The following GRID1 variants were observed in gnomAD, a reference collection of about 807,000 sequenced individuals.
The protein encoded by GRID1 is glutamate ionotropic receptor delta type subunit 1, also known as glutamate receptor ionotropic, delta-1.
In GRID1, 28 loss-of-function variants were observed where a neutral mutation model predicts 98.0. That is an observed-to-expected ratio of 0.29 (90% CI 0.21 to 0.39). The LOEUF is 0.39. Ranked by LOEUF, GRID1 falls within the 10% of genes least tolerant of loss-of-function variation. The pLI, the probability that GRID1 is intolerant of heterozygous loss-of-function variation, is 1.00. For synonymous variants in GRID1, 553 were observed against 538.5 expected, an observed-to-expected ratio of 1.03 and a Z score of -0.37; for missense variants, 1,111 against 1,340.5, an observed-to-expected ratio of 0.83 and a Z score of 2.67.
chr10:85,718,959 T>A (rs764415241), intron 12 of GRID1, among the ~76,000 whole-genome samples: 1 of 152,226 alleles, frequency 6.6e-6, no homozygotes, highest in African/African-American at 2.4e-5. Context: ...TAAAATGGAA[T>A]GCTTTTAACA....
chr10:86,040,894 T>A (rs1017673494), intron 4 of GRID1, among the ~76,000 whole-genome samples: 2 of 152,112 alleles, frequency 1.3e-5, no homozygotes, highest in Admixed American at 6.5e-5. Context: ...AATTTTTTTT[T>A]AAAGTTGGTC....
At chr10:86,236,591 C>G (rs1034894263) in intron 2 of GRID1, among the ~76,000 whole-genome samples, 4 of 152,360 alleles carry the variant, frequency 2.6e-5, no homozygotes, top group Admixed American at 6.5e-5. Context: ...GCATCCCCAG[C>G]ATGTTCCCTC....
At position 85,712,125 on chromosome 10, in the gene GRID1, G is replaced by C. The variant is rs114842798; in HGVS notation, c.1997+10878C>G. Among the ~76,000 whole-genome samples, 443 of 151,798 alleles carry C rather than the reference G, an allele frequency of 2.9e-3. 5 individuals are homozygous for C. The highest frequency in any genetic ancestry group is 0.01 in the African/African-American group (418 of 41,516). ...GAACACAAATGATGTAAGTCATATA[G>C]AAATCAAATAGCAAAATGGTAGAGC... On this transcript the variant is annotated intron_variant, in intron 12 of 15. Transcript: ENST00000327946.
At chr10:85,740,631 G>T (rs1331383929) in intron 8 of GRID1, among the ~76,000 whole-genome samples, 1 of 152,076 alleles carries the variant, frequency 6.6e-6, no homozygotes, top group Admixed American at 6.6e-5. Flanking sequence ...CCTCCAGGAA[G>T]TACAAGGTAG....
intron 2 of GRID1, among the ~76,000 whole-genome samples, chr10:86,302,216 C>A (rs1401069016): frequency 1.3e-5 from 2 of 152,194 alleles, no homozygotes; most frequent in Non-Finnish European, 2.9e-5. Flanking sequence ...AACAGCAGCT[C>A]CTCCTTGAGA....
chr10:85,803,695 A>C (rs996451598), intron 8 of GRID1, among the ~76,000 whole-genome samples: 9 of 152,072 alleles, frequency 5.9e-5, no homozygotes, highest in Non-Finnish European at 1.2e-4. Context: ...ATATATTTTT[A>C]GATTTTAATT....
At chr10:85,818,187 A>T (rs184115927) in intron 8 of GRID1, among the ~76,000 whole-genome samples, 2 of 152,352 alleles carry the variant, frequency 1.3e-5, no homozygotes, top group East Asian at 3.9e-4. Context: ...GAAGTAACAA[A>T]TAAGTAAAAA....
chr10:86,230,571 C>G (rs1468765784), intron 2 of GRID1, among the ~76,000 whole-genome samples: 1 of 152,208 alleles, frequency 6.6e-6, no homozygotes, highest in Non-Finnish European at 1.5e-5. Flanking sequence ...AGGAAACATG[C>G]ATTTCTTTCT....
rs931032004 is a variant in GRID1, at chr10:85,914,123, A to G, written c.780+2063T>C. On this transcript the variant is annotated intron_variant, in intron 5 of 15. Coordinates refer to ENST00000327946, the MANE Select transcript of GRID1 (RefSeq NM_017551.3). ...ATGCCAATGTGCCTACCAGTATGGA[A>G]TGCCCTAGGGGCACCGCACACTGGT... Among the ~76,000 whole-genome samples, 7 of 152,184 alleles carry G rather than the reference A, an allele frequency of 4.6e-5. No individual in the cohort carries two copies. In the East Asian group the frequency reaches 7.7e-4, roughly 17 times the overall value.
At chr10:85,859,414 C>T (rs959383505) in intron 6 of GRID1, among the ~76,000 whole-genome samples, 5 of 150,008 alleles carry the variant, frequency 3.3e-5, no homozygotes, top group East Asian at 3.9e-4. Context: ...GATGGATGGA[C>T]GGATGGATGG....
chr10:85,772,092 T>C (rs774330938), intron 8 of GRID1, among the ~76,000 whole-genome samples: 12 of 152,116 alleles, frequency 7.9e-5, no homozygotes, highest in Non-Finnish European at 1.6e-4. Flanking sequence ...CCTCAGCAAA[T>C]GTAAAAGATA....
intron 2 of GRID1, among the ~76,000 whole-genome samples, chr10:86,358,784 G>T (rs995734686): frequency 2.6e-5 from 4 of 151,474 alleles, no homozygotes; most frequent in African/African-American, 9.7e-5. Context: ...ATAATAGGGA[G>T]ATTATCTGGG....
At chr10:85,799,638 G>A (rs1368347675) in intron 8 of GRID1, among the ~76,000 whole-genome samples, 1 of 152,182 alleles carries the variant, frequency 6.6e-6, no homozygotes, top group East Asian at 1.9e-4. Context: ...ATGTCACATG[G>A]TCTCACTCGT....
At chr10:86,335,457 T>A (rs190692740) in intron 2 of GRID1, among the ~76,000 whole-genome samples, 2 of 152,354 alleles carry the variant, frequency 1.3e-5, no homozygotes, top group East Asian at 3.9e-4. Flanking sequence ...GCCTTAAATA[T>A]GCTGATGTAT....
chr10:85,966,574 G>A (rs965694995), intron 4 of GRID1, among the ~76,000 whole-genome samples: 5 of 152,186 alleles, frequency 3.3e-5, no homozygotes, highest in African/African-American at 1.2e-4. Flanking sequence ...AGGACTTTGG[G>A]AGGCTGAGGT....
At chr10:86,061,394 G>A (rs989909553) in intron 4 of GRID1, among the ~76,000 whole-genome samples, 2 of 152,148 alleles carry the variant, frequency 1.3e-5, no homozygotes, top group Middle Eastern at 3.2e-3. Context: ...GATCCTGTCT[G>A]TCTAGGACTC....
intron 2 of GRID1, among the ~76,000 whole-genome samples, chr10:86,319,810 C>A (rs1213207058): frequency 1.3e-5 from 2 of 152,114 alleles, no homozygotes; most frequent in African/African-American, 4.8e-5. Flanking sequence ...CAGGGGCTGC[C>A]CCTCCTCCTC....
chr10:86,181,797 T>C (rs1432725158), intron 3 of GRID1, among the ~76,000 whole-genome samples: 1 of 152,212 alleles, frequency 6.6e-6, no homozygotes, highest in Non-Finnish European at 1.5e-5. Flanking sequence ...TTTTCTTAAT[T>C]ACTCAGTGGT....
chr10:85,612,690 T>C (rs1279840203), intron 15 of GRID1, among the ~76,000 whole-genome samples: 1 of 149,944 alleles, frequency 6.7e-6, no homozygotes, highest in African/African-American at 2.5e-5. Flanking sequence ...CACCCTTCCG[T>C]AGGGCAAAGG....
Sources: allele counts gnomAD v4.1 joint callset (sites outside exome capture counted in the v4.1 genomes callset), GRCh38; gene constraint gnomAD v4.1.1; transcripts MANE v1.5; gene names NCBI Gene and HGNC (gene_info 2026-07-23, HGNC 2026-07-21).